The following LRIF1 variants were observed in gnomAD, a reference collection of about 807,000 sequenced individuals.
LRIF1 encodes ligand dependent nuclear receptor interacting factor 1, also known as ligand-dependent nuclear receptor-interacting factor 1.
In LRIF1, 32 loss-of-function variants were observed where a neutral mutation model predicts 52.7. That is an observed-to-expected ratio of 0.61 (90% CI 0.46 to 0.82). The LOEUF is 0.82. Ranked by LOEUF, LRIF1 falls within the 40% of genes least tolerant of loss-of-function variation. LRIF1 has a pLI of 0.00. For missense variants in LRIF1, 887 were observed against 892.0 expected, an observed-to-expected ratio of 0.99 and a Z score of 0.07; for synonymous variants, 323 against 317.4, an observed-to-expected ratio of 1.02 and a Z score of -0.19.
chr1:110,884,014 G>T, the LRIF1 span, among the ~76,000 whole-genome samples: 3 of 151,772 alleles, frequency 2.0e-5, no homozygotes, highest in African/African-American at 7.2e-5. Flanking sequence ...CTGTTTAATT[G>T]ATTTCAGTGC....
chr1:110,903,394 A>T, the LRIF1 span, among the ~76,000 whole-genome samples: 2 of 152,136 alleles, frequency 1.3e-5, no homozygotes, highest in Admixed American at 6.5e-5. Flanking sequence ...GAGGGGAGGG[A>T]AGAGAGAGGA....
chr1:110,952,854 A>G, intron 1 of LRIF1, 39 bp from the exon 2 acceptor site: 1 of 1,147,928 alleles, frequency 8.7e-7, no homozygotes, highest in South Asian at 1.9e-5. Context: ...AACATACTAC[A>G]TGGTATATAC....
the LRIF1 span, among the ~76,000 whole-genome samples, chr1:110,877,966 C>T: frequency 6.6e-6 from 1 of 152,116 alleles, no homozygotes; most frequent in Admixed American, 6.6e-5. Context: ...ACACATTGCA[C>T]CAAATGAGTT....
the LRIF1 span, among the ~76,000 whole-genome samples, chr1:110,884,339 G>T: frequency 0.72 from 108,794 of 151,984 alleles, 41,331 homozygotes; most frequent in Non-Finnish European, 0.84. Flanking sequence ...GTTATTGATT[G>T]CTAATTCAAT....
chr1:110,904,354 C>A, the LRIF1 span, among the ~76,000 whole-genome samples: 1 of 152,156 alleles, frequency 6.6e-6, no homozygotes. Flanking sequence ...GAGGTATGAC[C>A]CAGCACAGTC....
the LRIF1 span, among the ~76,000 whole-genome samples, chr1:110,902,275 T>C: frequency 6.6e-6 from 1 of 152,304 alleles, no homozygotes; most frequent in African/African-American, 2.4e-5. Context: ...GATGGCTCAC[T>C]CTTAGCTCTC....
At position 110,957,474 on chromosome 1, in the gene LRIF1, A is replaced by AAAAAAAAAAAAAAC. The variant is rs1658752741; in HGVS notation, c.69-4660_69-4659insGTTTTTTTTTTTTT. Among the ~76,000 whole-genome samples the AAAAAAAAAAAAAAC allele has an allele frequency of 2.0e-5, 3 of 146,404 alleles. 1 individual carries two copies. The highest frequency in any genetic ancestry group is 5.0e-5 in the African/African-American group (2 of 40,126). On this transcript the variant is annotated intron_variant, in intron 1 of 3. Coordinates refer to ENST00000369763, the MANE Select transcript of LRIF1 (RefSeq NM_018372.4). Reference sequence around the variant, plus strand: ...CGACAAAGCAAGACTCAGTCTCAAAAAAAAAAAAAAAAAAAAAAGACTGCA... The same window carrying AAAAAAAAAAAAAAC: ...CGACAAAGCAAGACTCAGTCTCAAAAAAAAAAAAAAAAACAAAAAAAAAAAAAAAAAAGACTGCA...
the LRIF1 span, among the ~76,000 whole-genome samples, chr1:110,895,913 C>A: frequency 6.6e-6 from 1 of 152,126 alleles, no homozygotes; most frequent in African/African-American, 2.4e-5. Flanking sequence ...AAAAGAACTT[C>A]TTTTTAATAC....
At chr1:110,956,600 G>A (rs1420885073) in intron 1 of LRIF1, among the ~76,000 whole-genome samples, 5 of 152,190 alleles carry the variant, frequency 3.3e-5, no homozygotes, top group Admixed American at 2.6e-4. Flanking sequence ...AAACAGTTTC[G>A]TAGATGCAGC....
At chr1:110,891,128 G>C in the LRIF1 span, among the ~76,000 whole-genome samples, 10 of 152,254 alleles carry the variant, frequency 6.6e-5, no homozygotes, top group African/African-American at 2.4e-4. Context: ...CCTCTTCTAA[G>C]AATGGCTCTA....
intron 1 of LRIF1, among the ~76,000 whole-genome samples, chr1:110,954,701 A>C (rs1225575556): frequency 1.3e-5 from 2 of 152,182 alleles, no homozygotes; most frequent in Non-Finnish European, 2.9e-5. Context: ...GTCTGTTTTA[A>C]GTTAAGCACC....
At chr1:110,927,587 C>T in the LRIF1 span, among the ~76,000 whole-genome samples, 190 of 152,162 alleles carry the variant, frequency 1.2e-3, no homozygotes, top group African/African-American at 4.3e-3. Flanking sequence ...GAAGAAAGAT[C>T]CAGGGGATGA....
chr1:110,908,697 A>G, the LRIF1 span, among the ~76,000 whole-genome samples: 2 of 152,216 alleles, frequency 1.3e-5, no homozygotes, highest in Admixed American at 6.5e-5. Context: ...AATAAAAAAA[A>G]ATAATTTTAA....
chr1:110,904,948 TA>T, the LRIF1 span, among the ~76,000 whole-genome samples: 1 of 152,150 alleles, frequency 6.6e-6, no homozygotes, highest in Non-Finnish European at 1.5e-5. Context: ...TTAAAATAAT[TA>T]AAAAGAATCA....
chr1:110,892,128 A>C, the LRIF1 span, among the ~76,000 whole-genome samples: 4 of 152,224 alleles, frequency 2.6e-5, no homozygotes, highest in African/African-American at 9.6e-5. Context: ...TGGTATCTGG[A>C]GATGGGTAGG....
At chr1:110,915,309 C>T in the LRIF1 span, among the ~76,000 whole-genome samples, 4 of 151,488 alleles carry the variant, frequency 2.6e-5, no homozygotes, top group Non-Finnish European at 4.4e-5. Flanking sequence ...CACGGTGAAA[C>T]CCCATCTCTA....
the LRIF1 span, among the ~76,000 whole-genome samples, chr1:110,913,291 A>G: frequency 2.6e-5 from 4 of 152,236 alleles, no homozygotes; most frequent in Non-Finnish European, 5.9e-5. Context: ...AAGTGCCCAG[A>G]AGCAACTGAA....
Position 110,952,022 on chromosome 1 carries a change from G to C in LRIF1, c.862C>G (p.Pro288Ala). ...TTATCTTGGAAAATCCATTTCACTGGAGCAGCTTGAGAATGCTGACCACCT... is the reference window on the plus strand; with the variant it reads ...TTATCTTGGAAAATCCATTTCACTGCAGCAGCTTGAGAATGCTGACCACCT... ...LKGGQHSQAA[P>A]VKWIFQDNLQ... The change falls in exon 2 of 4, where the codon CCA becomes GCA. Residue 288 changes from proline (P) to alanine (A), a missense_variant. Transcript: ENST00000369763. The C allele has an allele frequency of 1.2e-6, 2 of 1,614,148 alleles. No individual in the cohort carries two copies. The highest frequency in any genetic ancestry group is 1.7e-6 in the Non-Finnish European group (2 of 1,180,012).
At chr1:110,943,889 A>G (rs1658143076), downstream of LRIF1, 1 of 152,202 alleles carries the variant, frequency 6.6e-6, no homozygotes, top group African/African-American at 2.4e-5. Flanking sequence ...AGACAAGTAG[A>G]GGGCTACAAT....
Sources: gnomAD v4.1 joint callset for allele counts (sites outside exome capture counted in the v4.1 genomes callset) on GRCh38, gnomAD v4.1.1 for gene constraint, MANE v1.5 for transcripts, NCBI Gene and HGNC (gene_info 2026-07-23, HGNC 2026-07-21) for gene names.